CSMD1: variants seen among roughly 807,000 people sequenced by gnomAD.
CSMD1 encodes CUB and sushi domain-containing protein 1.
Under a neutral mutation model 417.5 loss-of-function variants are expected in CSMD1, and 213 were observed. The ratio of observed to expected loss-of-function variants is 0.51; its 90% CI spans 0.46 to 0.57. CSMD1 has a LOEUF of 0.57. Ranked by LOEUF, CSMD1 falls within the 20% of genes least tolerant of loss-of-function variation. The pLI, the probability that CSMD1 is intolerant of heterozygous loss-of-function variation, is 0.00. For synonymous variants in CSMD1, 2,862 were observed against 1,736.8 expected (o/e 1.65, Z -16.11); for missense variants, 6,923 against 4,529.7 (o/e 1.53, Z -15.17).
At chr8:3,791,835 T>C (rs940060447) in intron 5 of CSMD1, among the ~76,000 whole-genome samples, 4 of 127,454 alleles carry the variant, frequency 3.1e-5, no homozygotes, top group South Asian at 5.3e-4. Flanking sequence ...ATAATAATAA[T>C]AATAAAAAAA....
intron 3 of CSMD1, among the ~76,000 whole-genome samples, chr8:4,375,188 G>C (rs902635338): frequency 1.3e-5 from 2 of 152,128 alleles, no homozygotes; most frequent in Admixed American, 6.5e-5. Flanking sequence ...GAAATATGGA[G>C]TGTTTTCAAG....
intron 2 of CSMD1, among the ~76,000 whole-genome samples, chr8:4,545,060 GCA>G (rs1415949502): frequency 6.6e-6 from 1 of 152,184 alleles, no homozygotes; most frequent in African/African-American, 2.4e-5. Context: ...ACGTGTGTGT[GCA>G]CACATATGTG....
At chr8:3,367,268 A>G (rs1430093469) in intron 19 of CSMD1, 21 bp from the exon 20 acceptor site, 32 of 1,205,154 alleles carry the variant, frequency 2.7e-5, no homozygotes, top group Non-Finnish European at 3.3e-5. Flanking sequence ...AAGCCGGGGG[A>G]GAGAGAGAGA....
intron 39 of CSMD1, among the ~76,000 whole-genome samples, chr8:3,152,730 T>C (rs1406904554): frequency 6.6e-6 from 1 of 152,202 alleles, no homozygotes; most frequent in African/African-American, 2.4e-5. Context: ...CCATCAACTG[T>C]GTTGCTATTT....
chr8:4,353,340 G>T (rs986033453), intron 3 of CSMD1, among the ~76,000 whole-genome samples: 2 of 152,068 alleles, frequency 1.3e-5, no homozygotes, highest in African/African-American at 2.4e-5. Flanking sequence ...ATGTGACTTT[G>T]CTCCTCCTTT....
In CSMD1 at chr8:4,796,165, C is replaced by A. The variant is rs560775078; in HGVS notation, c.86-158607G>T. On this transcript the variant is annotated intron_variant, in intron 1 of 69. Transcript: ENST00000635120. The stretch of plus-strand genomic sequence containing the variant: ...AACTTAAGCCTCATCAAGGTGGTTT[C>A]GACAATGAAGGGAAGAAAATGCAGG... Among the ~76,000 whole-genome samples, 10 of 151,316 alleles carry A rather than the reference C, an allele frequency of 6.6e-5. No individual in the cohort carries two copies. The East Asian group carries it at 1.4e-3, about 21-fold the overall frequency.
At chr8:4,835,562 C>T (rs1342266310) in intron 1 of CSMD1, among the ~76,000 whole-genome samples, 1 of 152,162 alleles carries the variant, frequency 6.6e-6, no homozygotes, top group African/African-American at 2.4e-5. Flanking sequence ...AGTTAGCACA[C>T]AGAGATTTTG....
chr8:4,207,870 G>C lies in CSMD1; in HGVS notation c.416-175771C>G, dbSNP rs899173674. ...GTCAGTGATAATTGGTTCCATATAG[G>C]TGGAGAAATTAGTCCTCATGGAGCA... On this transcript the variant is annotated intron_variant, in intron 3 of 69. Coordinates refer to ENST00000635120, the MANE Select transcript of CSMD1 (RefSeq NM_033225.6). 7.2e-5 allele frequency among the ~76,000 whole-genome samples: 11 copies of C among 152,162 alleles called. No individual in the cohort carries two copies. In the Middle Eastern group the frequency reaches 0.01, roughly 141 times the overall value.
chr8:3,429,791 T>C (rs1002951909), intron 12 of CSMD1, among the ~76,000 whole-genome samples: 1 of 152,190 alleles, frequency 6.6e-6, no homozygotes, highest in Non-Finnish European at 1.5e-5. Context: ...TTGTAATTTA[T>C]ACCTTACCTA....
Position 4,065,418 on chromosome 8 carries a change from C to T in CSMD1, c.416-33319G>A, listed in dbSNP as rs1799192490. ...AAAAATTTTTCATTTTGTAAAACTTCTAGAGAATAATTGAATCAATATAAT... is the reference window on the plus strand; with the variant it reads ...AAAAATTTTTCATTTTGTAAAACTTTTAGAGAATAATTGAATCAATATAAT... On this transcript the variant is annotated intron_variant, in intron 3 of 69. Transcript: ENST00000635120. 2.6e-5 allele frequency among the ~76,000 whole-genome samples: 4 copies of T among 152,122 alleles called. No homozygotes were observed. In the South Asian group the frequency reaches 8.3e-4, roughly 31 times the overall value.
chr8:4,965,063 A>C (rs1044035630), intron 1 of CSMD1, among the ~76,000 whole-genome samples: 19 of 152,200 alleles, frequency 1.2e-4, no homozygotes, highest in African/African-American at 4.3e-4. Context: ...AATATATTTC[A>C]AAGCCTCTCA....
intron 1 of CSMD1, among the ~76,000 whole-genome samples, chr8:4,760,542 C>T (rs1254429600): frequency 2.6e-5 from 4 of 152,022 alleles, no homozygotes; most frequent in African/African-American, 7.3e-5. Flanking sequence ...ATTCTTTAGA[C>T]ATATATTATT....
intron 26 of CSMD1, among the ~76,000 whole-genome samples, chr8:3,231,338 C>T (rs938031908): frequency 2.6e-5 from 4 of 152,048 alleles, no homozygotes; most frequent in Non-Finnish European, 5.9e-5. Flanking sequence ...CAAAGTACTT[C>T]ACTGTTTTCA....
intron 11 of CSMD1, among the ~76,000 whole-genome samples, chr8:3,483,429 A>G (rs1306184485): frequency 2.0e-5 from 3 of 152,100 alleles, no homozygotes; most frequent in African/African-American, 7.2e-5. Context: ...CCAAAACTCA[A>G]CCAAGATAAA....
chr8:4,931,671 G>A lies in CSMD1; in HGVS notation c.85+62661C>T, dbSNP rs969143250. On this transcript the variant is annotated intron_variant, in intron 1 of 69. Coordinates refer to ENST00000635120, the MANE Select transcript of CSMD1 (RefSeq NM_033225.6). ...AAAAAGGGATTAGATACCTATTTGT[G>A]TTTAAGATTATGTAAAGCAAAACTA... Among the ~76,000 whole-genome samples the A allele has an allele frequency of 4.6e-5, 7 of 152,296 alleles. No individual in the cohort carries two copies. In the South Asian group the frequency reaches 8.3e-4, roughly 18 times the overall value.
At chr8:3,672,834 T>C (rs981047351) in intron 7 of CSMD1, among the ~76,000 whole-genome samples, 2 of 152,208 alleles carry the variant, frequency 1.3e-5, no homozygotes, top group African/African-American at 4.8e-5. Flanking sequence ...CCATGGGCAA[T>C]AGACTTGGAG....
At position 4,628,399 on chromosome 8, in the gene CSMD1, TATATATACAC is replaced by T. The variant is rs1032753794; in HGVS notation, c.302+8933_302+8942del. ...ATATATACACACATATATATACACA[TATATATACAC>T]ATATATATACATATATATACACATA... On this transcript the variant is annotated intron_variant, in intron 2 of 69. Transcript: ENST00000635120. Among the ~76,000 whole-genome samples, 17 of 125,852 alleles carry T rather than the reference TATATATACAC, an allele frequency of 1.4e-4. 1 individual carries two copies. The highest frequency in any genetic ancestry group is 4.5e-3 in the Middle Eastern group (1 of 220). The allele number at this position is 125,852 out of a possible 152,430, so 82.6% of individuals were successfully genotyped here.
intron 2 of CSMD1, among the ~76,000 whole-genome samples, chr8:4,583,011 G>A (rs1464905286): frequency 6.6e-6 from 1 of 152,192 alleles, no homozygotes; most frequent in Non-Finnish European, 1.5e-5. Context: ...CCCCAGCAGT[G>A]CCAGCCCACC....
chr8:3,361,149 T>C (rs1362419754), intron 20 of CSMD1, among the ~76,000 whole-genome samples: 1 of 152,232 alleles, frequency 6.6e-6, no homozygotes, highest in Non-Finnish European at 1.5e-5. Context: ...GACAATGTCA[T>C]TTAATTGAAC....
Sources: allele counts gnomAD v4.1 joint callset (sites outside exome capture counted in the v4.1 genomes callset), GRCh38; gene constraint gnomAD v4.1.1; transcripts MANE v1.5; gene names NCBI Gene and HGNC (gene_info 2026-07-23, HGNC 2026-07-21).